The following COG8 variants were observed in gnomAD, a reference collection of about 807,000 sequenced individuals.
COG8 encodes the protein conserved oligomeric Golgi complex subunit 8.
COG8 carries 45 observed loss-of-function variants against 46.5 expected under a neutral mutation model. The ratio of observed to expected loss-of-function variants is 0.97; its 90% confidence interval spans 0.76 to 1.24. The LOEUF is 1.24. Among genes scored for constraint, COG8 ranks in the 50% most tolerant of loss-of-function variants. The probability of loss-of-function intolerance (pLI) is 0.00; values close to 1 mark genes in which losing one functional copy is unlikely to be tolerated. For missense variants in COG8, 793 were observed against 820.8 expected, an observed-to-expected ratio of 0.97 and a Z score of 0.41; for synonymous variants, 407 against 347.8, an observed-to-expected ratio of 1.17 and a Z score of -1.90.
At chr16:69,335,511 A>C (rs139856434) in intron 2 of COG8, among the ~76,000 whole-genome samples, 163 bp from the exon 3 acceptor site, 5 of 152,294 alleles carry the variant, frequency 3.3e-5, no homozygotes, top group African/African-American at 1.2e-4. Flanking sequence ...AGATCAGGTT[A>C]GTTAACTCTC....
intron 5 of COG8, among the ~76,000 whole-genome samples, chr16:69,329,420 G>A (rs1055947135): frequency 6.6e-6 from 1 of 152,224 alleles, no homozygotes; most frequent in African/African-American, 2.4e-5. Context: ...GAGCTGAGAT[G>A]AGAAATCATC....
intron 2 of COG8, 81 bp downstream of exon 2, chr16:69,336,424 C>G: frequency 7.5e-7 from 1 of 1,336,744 alleles, no homozygotes. Flanking sequence ...GCAAGAGTTT[C>G]TACCTAAAGC....
intron 2 of COG8, among the ~76,000 whole-genome samples, chr16:69,335,641 C>T (rs1451940997): frequency 1.3e-5 from 2 of 151,944 alleles, no homozygotes; most frequent in Non-Finnish European, 2.9e-5. Flanking sequence ...ACATGTGAAA[C>T]CTCGTCTCTA....
At chr16:69,333,761 G>A (rs1450226751) in intron 3 of COG8, among the ~76,000 whole-genome samples, 1 of 152,176 alleles carries the variant, frequency 6.6e-6, no homozygotes, top group African/African-American at 2.4e-5. Flanking sequence ...GTCTGTAGCA[G>A]GAGGATCACT....
rs1304845992 is a variant in COG8, at chr16:69,326,940, C to G, written c.*2266G>C. On this transcript the variant is annotated 3_prime_UTR_variant, in exon 6 of 6. Transcript: ENST00000306875. ...CAATAAAGTTTGCATTTTATTGCTACCGATGCCCACCACAAAAGCGTTAAC... is the reference window on the plus strand; with the variant it reads ...CAATAAAGTTTGCATTTTATTGCTAGCGATGCCCACCACAAAAGCGTTAAC... 3 of 152,112 alleles carry G rather than the reference C, an allele frequency of 2.0e-5. No individual in the cohort carries two copies. Among genetic ancestry groups the G allele is most frequent in the African/African-American group, 7.2e-5 (3 of 41,392 alleles). The allele number at this position is 152,112 out of a possible 1,614,324, so 9.4% of individuals were successfully genotyped here. A position where few individuals can be genotyped will look rare whatever the true frequency, so the allele number is the denominator to read the frequency against.
chr16:69,330,467 G>A, intron 5 of COG8: 3 of 1,471,784 alleles, frequency 2.0e-6, no homozygotes, highest in Admixed American at 2.5e-5. Flanking sequence ...GCCGTCCGGG[G>A]CGGCCGTGGA....
chr16:69,330,144 G>T lies in COG8; in HGVS notation c.*26+669C>A, dbSNP rs774492744. Reference sequence around the variant, plus strand: ...CGCAGGGGGAAGGGCTCCATTTGGCGGAGCGCGCGCTGGCGGGGCGGGCAC... The same window carrying T: ...CGCAGGGGGAAGGGCTCCATTTGGCTGAGCGCGCGCTGGCGGGGCGGGCAC... On this transcript the variant is annotated intron_variant, in intron 5 of 5. Coordinates refer to ENST00000306875, the MANE Select transcript of COG8 (RefSeq NM_032382.5). 2.0e-5 allele frequency: 31 copies of T among 1,557,070 alleles called. No homozygotes were observed. In the African/African-American group the frequency reaches 4.1e-4, roughly 21 times the overall value.
intron 2 of COG8, among the ~76,000 whole-genome samples, chr16:69,336,267 G>T (rs1051862841): frequency 6.6e-6 from 1 of 152,076 alleles, no homozygotes; most frequent in Admixed American, 6.6e-5. Flanking sequence ...CCATTAGCAC[G>T]TAAGCTGCAT....
In COG8 at chr16:69,339,563, AC is replaced by A. The variant is rs1304018332; in HGVS notation, c.-12del. 1 of 1,609,198 alleles carries A rather than the reference AC, an allele frequency of 6.2e-7. No individual in the cohort carries two copies. Among genetic ancestry groups the A allele is most frequent in the South Asian group, 1.1e-5 (1 of 90,994 alleles). ...CGCCGCGGTCGCCATCTTCCCAGCAACAACGTCACTTCCCTTCCGGACCACA... is the reference window on the plus strand; with the variant it reads ...CGCCGCGGTCGCCATCTTCCCAGCAAAACGTCACTTCCCTTCCGGACCACA... On this transcript the variant is annotated 5_prime_UTR_variant, in exon 1 of 6. Transcript: ENST00000306875.
Position 69,329,166 on chromosome 16 carries a change from A to T in COG8, c.*40T>A, listed in dbSNP as rs1432120693. 22 of 1,603,490 alleles carry T rather than the reference A, an allele frequency of 1.4e-5. No individual in the cohort carries two copies. Among genetic ancestry groups the T allele is most frequent in the Admixed American group, 3.4e-5 (2 of 58,556 alleles). On this transcript the variant is annotated 3_prime_UTR_variant, in exon 6 of 6. Coordinates refer to ENST00000306875, the MANE Select transcript of COG8 (RefSeq NM_032382.5). Reference sequence around the variant, plus strand: ...TCGCCTGCCACACCACCTGTTCTCCATTGGGGTCCAGCCCTGCAAAGGAAG... The same window carrying T: ...TCGCCTGCCACACCACCTGTTCTCCTTTGGGGTCCAGCCCTGCAAAGGAAG...
chr16:69,335,246 C>T lies in COG8; in HGVS notation c.688G>A (p.Gly230Ser). Residue 230 changes from glycine (G) to serine (S), a missense_variant, in exon 3 of 6, where the codon GGC (glycine) becomes AGC (serine). Physicochemically the swap from Gly to Ser is moderately conservative, Grantham distance 56. Coordinates refer to ENST00000306875, the MANE Select transcript of COG8 (RefSeq NM_032382.5). ...IQLPACLRVI[G>S]YLRRMDVFTE... ...AAGACGTCCATGCGCCGCAGGTAGC[C>T]AATGACACGGAGGCAGGCAGGAAGC... 6.2e-7 allele frequency: 1 copy of T among 1,613,960 alleles called. No homozygotes were observed. Among genetic ancestry groups the T allele is most frequent in the Non-Finnish European group, 8.5e-7 (1 of 1,179,976 alleles).
At chr16:69,332,102 C>T (rs2011901643) in intron 4 of COG8, among the ~76,000 whole-genome samples, 1 of 152,122 alleles carries the variant, frequency 6.6e-6, no homozygotes, top group South Asian at 2.1e-4. Context: ...GCCTGTAATC[C>T]GAGCACTTTG....
chr16:69,337,018 G>T (rs1411365767), intron 1 of COG8, among the ~76,000 whole-genome samples: 2 of 152,152 alleles, frequency 1.3e-5, no homozygotes, highest in Non-Finnish European at 2.9e-5. Flanking sequence ...GGTATATAGG[G>T]CCAGGCGCAG....
At position 69,329,063 on chromosome 16, in the gene COG8, T is replaced by G; in HGVS notation, c.*143A>C. 1 of 1,612,198 alleles carries G rather than the reference T, an allele frequency of 6.2e-7. No homozygotes were observed. Among genetic ancestry groups the G allele is most frequent in the Non-Finnish European group, 8.5e-7 (1 of 1,179,522 alleles). On this transcript the variant is annotated 3_prime_UTR_variant, in exon 6 of 6. Coordinates refer to ENST00000306875, the MANE Select transcript of COG8 (RefSeq NM_032382.5). Reference sequence around the variant, plus strand: ...ATCCAATAGACGTTTGTGAACGTCCTGCTGTCCATTTTGTCAATAAACAGG... The same window carrying G: ...ATCCAATAGACGTTTGTGAACGTCCGGCTGTCCATTTTGTCAATAAACAGG...
At position 69,327,570 on chromosome 16, in the gene COG8, GTTCAT is replaced by G. The variant is rs561395692; in HGVS notation, c.*1631_*1635del. 7.2e-5 allele frequency: 11 copies of G among 152,114 alleles called. No individual in the cohort carries two copies. Among genetic ancestry groups the G allele is most frequent in the African/African-American group, 2.4e-4 (10 of 41,474 alleles). 9.4% of individuals were successfully genotyped at this position (152,114 alleles called of 1,614,324 possible). The stretch of plus-strand genomic sequence containing the variant: ...ACAAAGGAGGATGGGTCTTTCCTGG[GTTCAT>G]TTAACTGCCATTTATAACACTTTTT... On this transcript the variant is annotated 3_prime_UTR_variant, in exon 6 of 6. Coordinates refer to ENST00000306875, the MANE Select transcript of COG8 (RefSeq NM_032382.5).
At chr16:69,330,115 C>G in intron 5 of COG8, 2 of 1,585,190 alleles carry the variant, frequency 1.3e-6, no homozygotes, top group Non-Finnish European at 1.7e-6. Flanking sequence ...GGTTCACGAA[C>G]ACGCGCAGGG....
intron 3 of COG8, among the ~76,000 whole-genome samples, chr16:69,334,272 T>C (rs551655238): frequency 6.6e-6 from 1 of 152,346 alleles, no homozygotes; most frequent in South Asian, 2.1e-4. Context: ...TGTGGAAATT[T>C]GTTATGCAGC....
Position 69,339,345 on chromosome 16 carries a change from C to A in COG8, c.208G>T (p.Glu70Ter). 6.2e-7 allele frequency: 1 copy of A among 1,600,024 alleles called. No individual in the cohort carries two copies. Among genetic ancestry groups the A allele is most frequent in the Non-Finnish European group, 8.5e-7 (1 of 1,175,720 alleles). ...TGCTGCAGCAGCTGCGCCCGCTCCT[C>A]CGCCAGGCGCTCGGGCTCGCGCCGC... ...RLRREPERLA[E>*]ERAQLLQQTR... The change falls in exon 1 of 6, where the codon GAG becomes TAG. Residue 70 changes from glutamate (E) to a stop codon, truncating the protein, a stop_gained. Transcript: ENST00000306875. LOFTEE classifies it high-confidence loss of function.
In COG8 at chr16:69,335,342, C is replaced by T. The variant is rs924692355; in HGVS notation, c.592G>A (p.Val198Met). ...TGCATGGACTGGCGCACTTCGTTCA[C>T]GATGCCCTGACAATACACAGAGAGA... ...YSSIPVIQGI[V>M]NEVRQSMQLM... Residue 198 changes from valine to methionine, a missense_variant, in exon 3 of 6, where the codon GTG (valine) becomes ATG (methionine). By Grantham distance (21) the Val-to-Met change is conservative. Coordinates refer to ENST00000306875, the MANE Select transcript of COG8 (RefSeq NM_032382.5). 43 of 1,593,498 alleles carry T rather than the reference C, an allele frequency of 2.7e-5. No homozygotes were observed. The highest frequency in any genetic ancestry group is 3.0e-5 in the Non-Finnish European group (35 of 1,174,558).
Sources: allele counts gnomAD v4.1 joint callset (sites outside exome capture counted in the v4.1 genomes callset), GRCh38; gene constraint gnomAD v4.1.1; transcripts MANE v1.5; gene names NCBI Gene and HGNC (gene_info 2026-07-23, HGNC 2026-07-21).